PARP12: variants seen among roughly 807,000 people sequenced by gnomAD.
PARP12 encodes protein mono-ADP-ribosyltransferase PARP12.
Under a neutral mutation model 72.4 loss-of-function variants are expected in PARP12, and 59 were observed. That is an observed-to-expected ratio of 0.81 (90% CI 0.66 to 1.01). PARP12 has a LOEUF of 1.01. Ranked by LOEUF, PARP12 falls within the 50% of genes least tolerant of loss-of-function variation. The probability of loss-of-function intolerance (pLI) is 0.00; values close to 1 mark genes in which losing one functional copy is unlikely to be tolerated. For synonymous variants in PARP12, 403 were observed against 371.4 expected (o/e 1.09, Z -0.98); for missense variants, 851 against 914.0 (o/e 0.93, Z 0.89).
chr7:140,032,026 G>T (rs1472687883), intron 8 of PARP12, among the ~76,000 whole-genome samples: 2 of 152,062 alleles, frequency 1.3e-5, no homozygotes, highest in Non-Finnish European at 2.9e-5. Context: ...ATAGATAAAA[G>T]GCTCTTGATA....
intron 4 of PARP12, 100 bp downstream of exon 4, chr7:140,054,562 G>A: frequency 6.1e-6 from 6 of 977,534 alleles, no homozygotes; most frequent in Non-Finnish European, 8.1e-6. Flanking sequence ...TCTCCGGATG[G>A]GGTAGAGGTT....
Position 140,058,792 on chromosome 7 carries a change from A to G in PARP12, c.327-758T>C, listed in dbSNP as rs566200473. Among the ~76,000 whole-genome samples, 157 of 152,312 alleles carry G rather than the reference A, an allele frequency of 1.0e-3. 1 individual carries two copies. The highest frequency in any genetic ancestry group is 4.4e-3 in the Admixed American group (67 of 15,290). On this transcript the variant is annotated intron_variant, in intron 1 of 11. Coordinates refer to ENST00000263549, the MANE Select transcript of PARP12 (RefSeq NM_022750.4). ...ACACTTCCTGACAGTATTTACAAGCACCAGAGAAAAACCAGCATGTAGGCT... is the reference window on the plus strand; with the variant it reads ...ACACTTCCTGACAGTATTTACAAGCGCCAGAGAAAAACCAGCATGTAGGCT...
chr7:140,055,884 AGGTAGT>A (rs1817157849), intron 3 of PARP12, among the ~76,000 whole-genome samples: 1 of 152,248 alleles, frequency 6.6e-6, no homozygotes, highest in Non-Finnish European at 1.5e-5. Context: ...TTTTGTTTGC[AGGTAGT>A]CCTGGCATGC....
At chr7:140,046,816 G>GTGTC (rs1281125125) in intron 5 of PARP12, 68 bp downstream of exon 5, 1 of 1,455,154 alleles carries the variant, frequency 6.9e-7, no homozygotes, top group African/African-American at 1.5e-5. Context: ...GTGTGTGTGT[G>GTGTC]TGTGTGTGTG....
chr7:140,055,437 A>G (rs1425152564), intron 3 of PARP12, among the ~76,000 whole-genome samples: 1 of 152,220 alleles, frequency 6.6e-6, no homozygotes, highest in Admixed American at 6.5e-5. Context: ...CACCATGCCA[A>G]TGAGTCTTTA....
intron 4 of PARP12, among the ~76,000 whole-genome samples, chr7:140,049,966 A>G (rs1816897530): frequency 6.6e-6 from 1 of 152,024 alleles, no homozygotes; most frequent in South Asian, 2.1e-4. Context: ...AATCAAATCA[A>G]TTTGGCAGAC....
rs552521345 is a variant in PARP12 at position 140,053,246 on chromosome 7, G to A, written c.862+1416C>T. On this transcript the variant is annotated intron_variant, in intron 4 of 11. Coordinates refer to ENST00000263549, the MANE Select transcript of PARP12 (RefSeq NM_022750.4). The stretch of plus-strand genomic sequence containing the variant: ...ACAAATTGCAGTCAATCATGCAATG[G>A]AATACTACTGTGCAATAAAAAGAAA... Among the ~76,000 whole-genome samples, 8 of 152,296 alleles carry A rather than the reference G, an allele frequency of 5.3e-5. No homozygotes were observed. The South Asian group carries it at 8.3e-4, about 16-fold the overall frequency.
intron 11 of PARP12, among the ~76,000 whole-genome samples, chr7:140,025,812 T>C (rs868476826): frequency 5.9e-5 from 9 of 152,218 alleles, no homozygotes; most frequent in Non-Finnish European, 1.0e-4. Context: ...CTAGAATACA[T>C]GTTTACATGA....
chr7:140,030,737 T>C (rs1433442592), intron 8 of PARP12, among the ~76,000 whole-genome samples: 1 of 152,266 alleles, frequency 6.6e-6, no homozygotes, highest in African/African-American at 2.4e-5. Context: ...CAGGACAGCT[T>C]TGAATGTGAC....
intron 4 of PARP12, among the ~76,000 whole-genome samples, chr7:140,052,464 T>C (rs1039266691): frequency 6.6e-6 from 1 of 152,224 alleles, no homozygotes; most frequent in African/African-American, 2.4e-5. Flanking sequence ...TAAACTTTTT[T>C]GTAAAGCATC....
In PARP12 at chr7:140,062,552, A is replaced by C. The variant is rs1312371123; in HGVS notation, c.296T>G (p.Val99Gly). The change falls in exon 1 of 12, where the codon GTC (valine) becomes GGC (glycine). Residue 99 changes from valine (V) to glycine (G), a missense_variant. Val to Gly is a moderately radical substitution (Grantham distance 109). Around this residue, in one of 3 missense-constraint regions of PARP12, gnomAD observed 492 missense variants for 489.3 expected, o/e 1.01. Transcript: ENST00000263549. ...CAQLHLCRFM[V>G]YGACKFLRAG... ...TCTCAGGAACTTGCAGGCGCCGTAG[A>C]CCATGAACCTGCAGAGGTGGAGCTG... 5 of 1,556,066 alleles carry C rather than the reference A, an allele frequency of 3.2e-6. No individual in the cohort carries two copies. Among genetic ancestry groups the C allele is most frequent in the Non-Finnish European group, 4.3e-6 (5 of 1,155,484 alleles).
chr7:140,049,925 T>C (rs1434541555), intron 4 of PARP12, among the ~76,000 whole-genome samples: 2 of 152,116 alleles, frequency 1.3e-5, no homozygotes, highest in African/African-American at 4.8e-5. Flanking sequence ...ACGTTGGCAT[T>C]CCAGGGGCTT....
rs747509371 is a variant in PARP12 at position 140,037,796 on chromosome 7, A to C, written c.1243T>G (p.Tyr415Asp). 1 of 1,613,980 alleles carries C rather than the reference A, an allele frequency of 6.2e-7. No homozygotes were observed. The highest frequency in any genetic ancestry group is 1.3e-5 in the African/African-American group (1 of 74,938). The part of the protein sequence containing the change: ...SSDVEKAYLA[Y>D]CTPGSDGQAA... The stretch of plus-strand genomic sequence containing the variant: ...TGGCCGTCAGACCCCGGTGTACAGT[A>C]GGCCAGGTAGGCCTTCTCCACGTCG... Residue 415 changes from tyrosine (Y) to aspartate (D), a missense_variant, in exon 7 of 12, where the codon TAC becomes GAC. By Grantham distance (160) the Tyr-to-Asp change is radical (BLOSUM62 -3). Around this residue, in one of 3 missense-constraint regions of PARP12, gnomAD observed 347 missense variants for 396.1 expected, o/e 0.88. Transcript: ENST00000263549.
chr7:140,052,694 A>C (rs930512736), intron 4 of PARP12, among the ~76,000 whole-genome samples: 3 of 151,454 alleles, frequency 2.0e-5, no homozygotes, highest in Non-Finnish European at 4.4e-5. Context: ...TAATTTTTTC[A>C]TAATATGCAT....
chr7:140,039,237 A>G (rs1312551372), intron 6 of PARP12, among the ~76,000 whole-genome samples: 1 of 152,100 alleles, frequency 6.6e-6, no homozygotes, highest in Non-Finnish European at 1.5e-5. Flanking sequence ...TCTGACAACA[A>G]GAGGAAAGGA....
chr7:140,034,077 T>C, intron 8 of PARP12, 158 bp downstream of exon 8: 1 of 1,322,342 alleles, frequency 7.6e-7, no homozygotes, highest in Non-Finnish European at 9.7e-7. Context: ...CCCACTCTGG[T>C]CCAACTAGTA....
At chr7:140,049,210 A>C (rs1370717378) in intron 4 of PARP12, among the ~76,000 whole-genome samples, 1 of 152,038 alleles carries the variant, frequency 6.6e-6, no homozygotes, top group Non-Finnish European at 1.5e-5. Flanking sequence ...GGCTGAGAGG[A>C]CTGAGGGAAC....
Position 140,024,710 on chromosome 7 carries a change from C to T in PARP12, c.1956G>A (p.Val652=), listed in dbSNP as rs187952184. 3.1e-6 allele frequency: 5 copies of T among 1,614,170 alleles called. No homozygotes were observed. In the Admixed American group the frequency reaches 6.7e-5, roughly 22 times the overall value. The stretch of plus-strand genomic sequence containing the variant: ...AGATGGAGGGGTCGGACACACTGTT[C>T]ACGCAGCTATCATAGAAGGCGTTGC... ...GWSNAFYDSC[V]NSVSDPSIFV... Residue 652 remains valine (V), a synonymous_variant, in exon 12 of 12, where the codon GTG becomes GTA. Coordinates refer to ENST00000263549, the MANE Select transcript of PARP12 (RefSeq NM_022750.4).
chr7:140,026,081 T>A, intron 11 of PARP12, 116 bp downstream of exon 11: 1 of 1,453,268 alleles, frequency 6.9e-7, no homozygotes, highest in South Asian at 1.2e-5. Context: ...CCACCACACA[T>A]GGAGTCTGAA....
Sources: allele counts gnomAD v4.1 joint callset (sites outside exome capture counted in the v4.1 genomes callset), GRCh38; gene constraint gnomAD v4.1.1; regional missense constraint gnomAD v4.1.1; transcripts MANE v1.5; gene names NCBI Gene and HGNC (gene_info 2026-07-23, HGNC 2026-07-21).